Variants in FMN1 observed in about 807,000 individuals in gnomAD.
FMN1 encodes the protein formin-1.
A neutral mutation model predicts 132.4 loss-of-function variants in FMN1; 110 were observed. The ratio of observed to expected loss-of-function variants is 0.83; its 90% CI spans 0.71 to 0.97. FMN1 has a LOEUF of 0.97. FMN1 is among the 50% of genes least tolerant of loss of function. The pLI is 0.00. For synonymous variants in FMN1, 722 were observed against 651.7 expected (o/e 1.11, Z -1.64); for missense variants, 1,792 against 1,705.3 (o/e 1.05, Z -0.90).
At chr15:33,019,143 T>C (rs527700709) in intron 6 of FMN1, among the ~76,000 whole-genome samples, 2 of 152,092 alleles carry the variant, frequency 1.3e-5, no homozygotes, top group African/African-American at 4.8e-5. Flanking sequence ...CTGATTGGTC[T>C]GTTTTACAGA....
intron 6 of FMN1, among the ~76,000 whole-genome samples, chr15:33,058,687 G>A (rs1402718184): frequency 1.3e-5 from 2 of 152,178 alleles, no homozygotes; most frequent in Non-Finnish European, 2.9e-5. Context: ...AGTGAGCCAG[G>A]ATGGCCTCAT....
At chr15:32,949,033 A>G (rs942512664) in intron 9 of FMN1, among the ~76,000 whole-genome samples, 9 of 151,912 alleles carry the variant, frequency 5.9e-5, no homozygotes, top group African/African-American at 2.2e-4. Flanking sequence ...CTTTTCTAAT[A>G]TAAATACTCA....
At chr15:32,964,470 A>G (rs1355181961) in intron 8 of FMN1, among the ~76,000 whole-genome samples, 2 of 152,256 alleles carry the variant, frequency 1.3e-5, no homozygotes, top group Non-Finnish European at 2.9e-5. Context: ...GTATTTCCAA[A>G]AAAGTAATTG....
At chr15:32,826,898 A>C (rs977099937) in intron 17 of FMN1, among the ~76,000 whole-genome samples, 1 of 149,554 alleles carries the variant, frequency 6.7e-6, no homozygotes, top group Non-Finnish European at 1.5e-5. Flanking sequence ...CTTTCTAAAT[A>C]AACAAGCTGA....
chr15:32,916,369 C>T (rs1351756220), intron 10 of FMN1, among the ~76,000 whole-genome samples: 1 of 152,142 alleles, frequency 6.6e-6, no homozygotes. Context: ...ACTTGCTGTT[C>T]GAAGGGCTTC....
chr15:32,983,647 G>A (rs1269972065), intron 7 of FMN1, among the ~76,000 whole-genome samples: 1 of 152,074 alleles, frequency 6.6e-6, no homozygotes, highest in African/African-American at 2.4e-5. Flanking sequence ...GCAAGATTCT[G>A]TCTGCAACAA....
At chr15:33,073,591 T>C (rs1449792214) in intron 5 of FMN1, among the ~76,000 whole-genome samples, 2 of 152,100 alleles carry the variant, frequency 1.3e-5, no homozygotes, top group Non-Finnish European at 2.9e-5. Context: ...GAGGAAATTA[T>C]AACATCATAA....
intron 6 of FMN1, among the ~76,000 whole-genome samples, chr15:33,010,562 A>C (rs2034657254): frequency 6.6e-6 from 1 of 152,174 alleles, no homozygotes; most frequent in Non-Finnish European, 1.5e-5. Context: ...GTTGATATTC[A>C]TCATTTTTCT....
chr15:32,930,146 C>T (rs1418100546), intron 9 of FMN1, among the ~76,000 whole-genome samples: 4 of 151,694 alleles, frequency 2.6e-5, no homozygotes, highest in African/African-American at 7.3e-5. Flanking sequence ...CCTGCCACCA[C>T]GCCCGGCTAA....
At chr15:32,908,238 TG>T (rs1296935686) in intron 12 of FMN1, 1 of 391,678 alleles carries the variant, frequency 2.6e-6, no homozygotes, top group African/African-American at 2.1e-5. Flanking sequence ...ATTAACAAGT[TG>T]CTAGAAAAAG....
rs1336179391 is a variant in FMN1 at position 32,929,783 on chromosome 15, T to C, written c.3139-3522A>G. Among the ~76,000 whole-genome samples the C allele has an allele frequency of 2.0e-5, 3 of 150,152 alleles. No homozygotes were observed. The East Asian group carries it at 5.8e-4, about 29-fold the overall frequency. The stretch of plus-strand genomic sequence containing the variant: ...AGATTTCCTTTTTTTTTTTTTGTGG[T>C]CAAGTAATATTCCACTGTATGTACA... On this transcript the variant is annotated intron_variant, in intron 9 of 20. Coordinates refer to ENST00000616417, the MANE Select transcript of FMN1 (RefSeq NM_001277313.2).
intron 17 of FMN1, among the ~76,000 whole-genome samples, chr15:32,845,735 AC>A (rs1217940471): frequency 2.0e-5 from 3 of 151,954 alleles, no homozygotes; most frequent in East Asian, 1.9e-4. Flanking sequence ...CTCCCCAATC[AC>A]CCCCCAACAC....
At chr15:32,777,037 C>T (rs1196000455) in intron 19 of FMN1, 118 bp from the exon 20 acceptor site, 1 of 576,382 alleles carries the variant, frequency 1.7e-6, no homozygotes, top group Non-Finnish European at 3.0e-6. Flanking sequence ...TGAATTAATC[C>T]ATCAGCAATT....
chr15:33,162,335 T>C (rs1566961142), intron 3 of FMN1, among the ~76,000 whole-genome samples: 1 of 151,542 alleles, frequency 6.6e-6, no homozygotes, highest in East Asian at 2.0e-4. Flanking sequence ...CTCCACACTG[T>C]AGGAGTAAGA....
chr15:32,839,466 A>G (rs2141204869), intron 17 of FMN1, among the ~76,000 whole-genome samples: 1 of 152,118 alleles, frequency 6.6e-6, no homozygotes, highest in East Asian at 1.9e-4. Context: ...AAACAACTTG[A>G]GCACCAGGGA....
At chr15:32,999,309 A>G (rs1308389447) in intron 7 of FMN1, among the ~76,000 whole-genome samples, 1 of 152,230 alleles carries the variant, frequency 6.6e-6, no homozygotes, top group Non-Finnish European at 1.5e-5. Context: ...CTTGGGATTT[A>G]TGCCTTTATA....
At chr15:32,928,035 C>T (rs866522881) in intron 9 of FMN1, among the ~76,000 whole-genome samples, 40 of 152,326 alleles carry the variant, frequency 2.6e-4, no homozygotes, top group African/African-American at 9.4e-4. Context: ...GATGATCTAA[C>T]TGCCTAATTG....
chr15:33,033,219 A>G (rs2141077021), intron 6 of FMN1, among the ~76,000 whole-genome samples: 1 of 152,110 alleles, frequency 6.6e-6, no homozygotes, highest in East Asian at 1.9e-4. Flanking sequence ...TTTAGTAGAG[A>G]CGGGGTTTCA....
chr15:32,838,286 A>G (rs961792637), intron 17 of FMN1, among the ~76,000 whole-genome samples: 1 of 152,142 alleles, frequency 6.6e-6, no homozygotes, highest in Admixed American at 6.5e-5. Flanking sequence ...AGAAAGAAAA[A>G]AAATCGGAGA....
Sources: allele counts gnomAD v4.1 joint callset (sites outside exome capture counted in the v4.1 genomes callset), GRCh38; gene constraint gnomAD v4.1.1; transcripts MANE v1.5; gene names NCBI Gene and HGNC (gene_info 2026-07-23, HGNC 2026-07-21).